The following CSMD1 variants were observed in gnomAD, a reference collection of about 807,000 sequenced individuals.
CSMD1 encodes the protein CUB and Sushi multiple domains 1.
Under a neutral mutation model 417.5 loss-of-function variants are expected in CSMD1, and 213 were observed. The ratio of observed to expected loss-of-function variants is 0.51; its 90% CI spans 0.46 to 0.57. The LOEUF (loss-of-function observed/expected upper bound fraction) is 0.57, where lower values mean the gene tolerates loss of function less well. Among genes scored for constraint, CSMD1 ranks in the 20% least tolerant of loss-of-function variants. CSMD1 has a pLI of 0.00. For missense variants in CSMD1, 6,923 were observed against 4,529.7 expected (o/e 1.53, Z -15.17); for synonymous variants, 2,862 against 1,736.8 (o/e 1.65, Z -16.11).
intron 4 of CSMD1, among the ~76,000 whole-genome samples, chr8:4,013,452 G>A (rs922098580): frequency 4.6e-5 from 7 of 152,082 alleles, no homozygotes; most frequent in African/African-American, 1.7e-4. Flanking sequence ...CTATCAGGGG[G>A]GTTTCCAGGA....
intron 3 of CSMD1, among the ~76,000 whole-genome samples, chr8:4,175,959 C>A (rs946718973): frequency 6.6e-6 from 1 of 152,142 alleles, no homozygotes; most frequent in Non-Finnish European, 1.5e-5. Context: ...TGGCATGGGG[C>A]AGCTGGGCTT....
intron 5 of CSMD1, among the ~76,000 whole-genome samples, chr8:3,990,403 G>A (rs763338145): frequency 6.6e-6 from 1 of 152,084 alleles, no homozygotes; most frequent in Non-Finnish European, 1.5e-5. Context: ...GGATGGAGAC[G>A]GGGACTTCTC....
At chr8:3,664,840 C>T (rs1367700658) in intron 7 of CSMD1, among the ~76,000 whole-genome samples, 1 of 152,120 alleles carries the variant, frequency 6.6e-6, no homozygotes, top group Non-Finnish European at 1.5e-5. Context: ...AAAAGTTTAG[C>T]AGTAAAGCCA....
intron 3 of CSMD1, among the ~76,000 whole-genome samples, chr8:4,157,588 G>A (rs371988338): frequency 4.5e-4 from 68 of 152,232 alleles, no homozygotes; most frequent in African/African-American, 1.5e-3. Flanking sequence ...ACCCTCTGCC[G>A]GTCATGTAAC....
chr8:3,354,889 G>GTA (rs1808659431), intron 21 of CSMD1, among the ~76,000 whole-genome samples: 2 of 140,928 alleles, frequency 1.4e-5, no homozygotes, highest in Admixed American at 7.0e-5. Context: ...CTATAGATAT[G>GTA]TCTATCTATA....
chr8:4,844,809 C>T (rs1801037657), intron 1 of CSMD1, among the ~76,000 whole-genome samples: 1 of 152,112 alleles, frequency 6.6e-6, no homozygotes, highest in Non-Finnish European at 1.5e-5. Flanking sequence ...TTTTCTCATT[C>T]ACGGGACAAT....
At chr8:4,115,921 G>A (rs1341576177) in intron 3 of CSMD1, among the ~76,000 whole-genome samples, 3 of 151,938 alleles carry the variant, frequency 2.0e-5, no homozygotes, top group Admixed American at 2.0e-4. Context: ...CCAGTGACTG[G>A]GGGCAGGGAG....
intron 3 of CSMD1, among the ~76,000 whole-genome samples, chr8:4,075,605 G>C (rs936442446): frequency 6.6e-6 from 1 of 152,144 alleles, no homozygotes; most frequent in South Asian, 2.1e-4. Flanking sequence ...CTGCATAGCG[G>C]AGTTAATCTA....
At chr8:4,556,420 C>T (rs184154741) in intron 2 of CSMD1, among the ~76,000 whole-genome samples, 35 of 152,136 alleles carry the variant, frequency 2.3e-4, no homozygotes, top group African/African-American at 8.2e-4. Flanking sequence ...CACGGAGAGG[C>T]CAGGGTACAG....
chr8:4,558,080 T>C (rs573759413), intron 2 of CSMD1, among the ~76,000 whole-genome samples: 2 of 152,124 alleles, frequency 1.3e-5, no homozygotes, highest in Non-Finnish European at 2.9e-5. Context: ...AATCAATCAA[T>C]TCCACAAACA....
Position 3,087,173 on chromosome 8 carries a change from G to A in CSMD1, c.7398C>T (p.Val2466=), listed in dbSNP as rs548804280. 1.3e-5 allele frequency: 21 copies of A among 1,613,938 alleles called. No individual in the cohort carries two copies. In the Admixed American group the frequency reaches 1.7e-4, roughly 13 times the overall value. ...GTCTACAGGTTGCATTGCTGTGGCC[G>A]ACCATTCGGTATCCAGGCTTGCAAA... The part of the protein sequence containing the change: ...HYFCKPGYRM[V]GHSNATCRRN... The change falls in exon 49 of 70, where the codon GTC becomes GTT. Residue 2466 remains valine, a synonymous_variant. Transcript: ENST00000635120.
chr8:4,129,416 A>C (rs1802961349), intron 3 of CSMD1, among the ~76,000 whole-genome samples: 1 of 152,064 alleles, frequency 6.6e-6, no homozygotes, highest in African/African-American at 2.4e-5. Context: ...TTCTTGGCTA[A>C]TTTCCTCTTT....
chr8:4,820,489 G>C (rs1484380563), intron 1 of CSMD1, among the ~76,000 whole-genome samples: 3 of 152,088 alleles, frequency 2.0e-5, no homozygotes, highest in African/African-American at 7.2e-5. Flanking sequence ...GCCTACCAAA[G>C]AGCCATAAGG....
chr8:4,988,652 A>G (rs1226022993), intron 1 of CSMD1, among the ~76,000 whole-genome samples: 1 of 152,228 alleles, frequency 6.6e-6, no homozygotes, highest in Non-Finnish European at 1.5e-5. Flanking sequence ...TCTCATCTTC[A>G]TAGAACAAAG....
chr8:3,876,212 T>C (rs1260956446), intron 5 of CSMD1, among the ~76,000 whole-genome samples: 1 of 152,158 alleles, frequency 6.6e-6, no homozygotes, highest in East Asian at 1.9e-4. Flanking sequence ...GGAAAACTCC[T>C]CTCACCCCTG....
At chr8:4,374,860 C>G (rs1424076220) in intron 3 of CSMD1, among the ~76,000 whole-genome samples, 1 of 147,816 alleles carries the variant, frequency 6.8e-6, no homozygotes, top group African/African-American at 2.5e-5. Flanking sequence ...AACCTAGGGG[C>G]TAATTAAACA....
At chr8:3,987,234 A>G (rs1045440366) in intron 5 of CSMD1, among the ~76,000 whole-genome samples, 3 of 151,984 alleles carry the variant, frequency 2.0e-5, no homozygotes, top group South Asian at 4.1e-4. Context: ...TCTTCCTGTG[A>G]ACATGCTTCC....
intron 3 of CSMD1, among the ~76,000 whole-genome samples, chr8:4,406,362 G>A (rs560186693): frequency 6.6e-6 from 1 of 152,132 alleles, no homozygotes; most frequent in African/African-American, 2.4e-5. Flanking sequence ...GGGAAAGAGA[G>A]ATGACAATTA....
At chr8:3,138,027 C>G (rs971769227) in intron 41 of CSMD1, among the ~76,000 whole-genome samples, 1 of 152,092 alleles carries the variant, frequency 6.6e-6, no homozygotes, top group African/African-American at 2.4e-5. Context: ...GAGTTCGAGA[C>G]CAACCTGGCC....
Sources: allele counts gnomAD v4.1 joint callset (sites outside exome capture counted in the v4.1 genomes callset), GRCh38; gene constraint gnomAD v4.1.1; transcripts MANE v1.5; gene names NCBI Gene and HGNC (gene_info 2026-07-23, HGNC 2026-07-21).